Variants in GSDMB observed in about 807,000 individuals in gnomAD.
GSDMB encodes the protein gasdermin B, also known as gasdermin-B.
In GSDMB, 32 loss-of-function variants were observed where a neutral mutation model predicts 42.9. That is an observed-to-expected ratio of 0.75 (90% CI 0.56 to 1.00). The LOEUF is 1.00. Ranked by LOEUF, GSDMB falls within the 50% of genes least tolerant of loss-of-function variation. The pLI is 0.00. For synonymous variants in GSDMB, 175 were observed against 193.7 expected, an observed-to-expected ratio of 0.90 and a Z score of 0.80; for missense variants, 468 against 498.5, an observed-to-expected ratio of 0.94 and a Z score of 0.58.
At chr17:39,908,916 G>A in intron 5 of GSDMB, 42 bp downstream of exon 5, 1 of 1,277,818 alleles carries the variant, frequency 7.8e-7, no homozygotes, top group Non-Finnish European at 1.1e-6. Flanking sequence ...TCACTGGTGT[G>A]TTTAGGGCCC....
At chr17:39,913,100 G>A (rs991378922) in intron 2 of GSDMB, among the ~76,000 whole-genome samples, 2 of 148,712 alleles carry the variant, frequency 1.3e-5, no homozygotes, top group Non-Finnish European at 3.0e-5. Context: ...GTGACACTCT[G>A]CCTCTCTGCC....
At chr17:39,906,474 T>C in intron 7 of GSDMB, 1 of 1,061,140 alleles carries the variant, frequency 9.4e-7, no homozygotes, top group Non-Finnish European at 1.3e-6. Flanking sequence ...ATCTTCCATC[T>C]CCCCAGCTCA....
Position 39,904,876 on chromosome 17 carries a change from GCA to G in GSDMB, c.1185_1186del (p.Leu397ValfsTer12), listed in dbSNP as rs756097738. 7 of 1,613,326 alleles carry G rather than the reference GCA, an allele frequency of 4.3e-6. No individual in the cohort carries two copies. In the African/African-American group the frequency reaches 8.0e-5, roughly 18 times the overall value. The stretch of plus-strand genomic sequence containing the variant: ...CAGGATAGAGACAACAACATACAGC[GCA>G]CAGAGAATTCGTGCCTCAGGGTCAT... On this transcript the variant is annotated frameshift_variant, in exon 11 of 11. Coordinates refer to ENST00000418519, the MANE Select transcript of GSDMB (RefSeq NM_001165958.2). LOFTEE classifies it low-confidence loss of function (END_TRUNC).
rs530672281 is a variant in GSDMB, at chr17:39,917,079, G to C, written c.235+3C>G. On this transcript the variant is annotated splice_donor_region_variant and intron_variant, in intron 2 of 10. Transcript: ENST00000418519. ...GGCCACCTGTCATCTACCTTATACT[G>C]ACCTTGGAGCCCAGAATCCAGTTCA... 6.2e-7 allele frequency: 1 copy of C among 1,605,262 alleles called. No homozygotes were observed. The highest frequency in any genetic ancestry group is 8.5e-7 in the Non-Finnish European group (1 of 1,171,968).
At chr17:39,908,918 T>G in intron 5 of GSDMB, 40 bp downstream of exon 5, 2 of 1,245,072 alleles carry the variant, frequency 1.6e-6, no homozygotes, top group Non-Finnish European at 2.4e-6. Flanking sequence ...ACTGGTGTGT[T>G]TAGGGCCCCC....
chr17:39,906,027 T>A, intron 8 of GSDMB, 42 bp from the exon 9 acceptor site: 1 of 1,611,392 alleles, frequency 6.2e-7, no homozygotes, highest in Non-Finnish European at 8.5e-7. Flanking sequence ...AGTCTCACCA[T>A]AGCAGATTAT....
At position 39,907,107 on chromosome 17, in the gene GSDMB, G is replaced by A. The variant is rs546175656; in HGVS notation, c.701-120C>T. On this transcript the variant is annotated intron_variant, in intron 6 of 10. Coordinates refer to ENST00000418519, the MANE Select transcript of GSDMB (RefSeq NM_001165958.2). ...ATCTGAGCCCTCACTGCTGGTGCCA[G>A]GGAGCCTGCATCCTCACCAGCGTGT... The A allele has an allele frequency of 2.1e-4, 325 of 1,541,950 alleles. 1 individual carries two copies. Among genetic ancestry groups the A allele is most frequent in the Middle Eastern group, 5.2e-4 (3 of 5,752 alleles).
intron 7 of GSDMB, 44 bp downstream of exon 7, chr17:39,906,917 G>A (rs935305986): frequency 6.8e-6 from 11 of 1,613,322 alleles, no homozygotes; most frequent in Non-Finnish European, 8.5e-6. Flanking sequence ...GACTCAGGGT[G>A]GGTTGGTGCA....
At position 39,909,840 on chromosome 17, in the gene GSDMB, C is replaced by T. The variant is rs1282437816; in HGVS notation, c.492G>A (p.Thr164=). Residue 164 remains threonine (T), a synonymous_variant, in exon 4 of 11, where the codon ACG becomes ACA. Coordinates refer to ENST00000418519, the MANE Select transcript of GSDMB (RefSeq NM_001165958.2). The part of the protein sequence containing the change: ...NLYLVTETLE[T]VKEETLKSDR... ...CGCTTTTCAGGGTTTCCTCCTTTAC[C>T]GTCTCCAGAGTTTCTGTCACCAGAT... 8.1e-6 allele frequency: 13 copies of T among 1,613,704 alleles called. No individual in the cohort carries two copies. Among genetic ancestry groups the T allele is most frequent in the African/African-American group, 6.7e-5 (5 of 74,922 alleles).
At chr17:39,907,024 A>G (rs2063517301) in intron 6 of GSDMB, 37 bp from the exon 7 acceptor site, 2 of 1,613,596 alleles carry the variant, frequency 1.2e-6, no homozygotes, top group African/African-American at 1.3e-5. Context: ...GAATCTTCAG[A>G]TCACCTCCAG....
Position 39,905,486 on chromosome 17 carries a change from T to C in GSDMB, c.1038A>G (p.Glu346=), listed in dbSNP as rs1433420383. 1.9e-6 allele frequency: 3 copies of C among 1,608,992 alleles called. No homozygotes were observed. The highest frequency in any genetic ancestry group is 2.5e-6 in the Non-Finnish European group (3 of 1,177,348). ...GGGCCTCAGCCACAAACTGCTGCTCTTCAGACAGCTCTGGGGGCAAAGAAA... is the reference window on the plus strand; with the variant it reads ...GGGCCTCAGCCACAAACTGCTGCTCCTCAGACAGCTCTGGGGGCAAAGAAA... ...DFLDALLELS[E]EQQFVAEALE... The change falls in exon 10 of 11, where the codon GAA becomes GAG. Residue 346 remains glutamate, a synonymous_variant. Transcript: ENST00000418519.
intron 6 of GSDMB, 122 bp from the exon 7 acceptor site, chr17:39,907,109 G>C (rs889090373): frequency 1.3e-6 from 2 of 1,538,950 alleles, no homozygotes; most frequent in African/African-American, 1.4e-5. Context: ...TGGTGCCAGG[G>C]AGCCTGCATC....
intron 4 of GSDMB, 134 bp from the exon 5 acceptor site, chr17:39,909,176 G>T: frequency 3.3e-6 from 2 of 613,368 alleles, no homozygotes; most frequent in Non-Finnish European, 5.8e-6. Flanking sequence ...GCTCTCAGAG[G>T]TCAGCAGGTG....
At chr17:39,915,602 A>ATT (rs10610202) in intron 2 of GSDMB, among the ~76,000 whole-genome samples, 13 of 145,068 alleles carry the variant, frequency 9.0e-5, no homozygotes, top group Non-Finnish European at 1.4e-4. Context: ...TGGCAAACTG[A>ATT]TTTTTTTTTT....
rs2063628171 is a variant in GSDMB, at chr17:39,912,402, G to A, written c.331C>T (p.Gln111Ter). The change falls in exon 3 of 11, where the codon CAG (glutamine) becomes TAG (stop). Residue 111 changes from glutamine to a stop codon, truncating the protein, a stop_gained. Transcript: ENST00000418519. LOFTEE classifies it high-confidence loss of function. ...PKEITISGSF[Q>*]GFHHQKIKIS... ...TTGATTTTCTGATGGTGGAAGCCCT[G>A]GAAACTGCCTGAAATTGTTATTTCT... The A allele has an allele frequency of 1.2e-6, 2 of 1,613,320 alleles. No individual in the cohort carries two copies. Among genetic ancestry groups the A allele is most frequent in the Non-Finnish European group, 1.7e-6 (2 of 1,179,348 alleles).
rs1043715325 is a variant in GSDMB, at chr17:39,912,399, C to T, written c.334G>A (p.Gly112Ser). 17 of 1,613,386 alleles carry T rather than the reference C, an allele frequency of 1.1e-5. No individual in the cohort carries two copies. Among genetic ancestry groups the T allele is most frequent in the Admixed American group, 1.7e-5 (1 of 59,986 alleles). Residue 112 changes from glycine to serine, a missense_variant, in exon 3 of 11, where the codon GGC (glycine) becomes AGC (serine). Transcript: ENST00000418519. ...KEITISGSFQ[G>S]FHHQKIKISE... ...ATCTTGATTTTCTGATGGTGGAAGC[C>T]CTGGAAACTGCCTGAAATTGTTATT...
chr17:39,915,686 A>C (rs2063697807), intron 2 of GSDMB, among the ~76,000 whole-genome samples: 1 of 151,986 alleles, frequency 6.6e-6, no homozygotes, highest in Admixed American at 6.6e-5. Context: ...CAGTCTTTGA[A>C]AGATGCGAAT....
At chr17:39,913,802 G>A (rs904199624) in intron 2 of GSDMB, among the ~76,000 whole-genome samples, 45 of 152,142 alleles carry the variant, frequency 3.0e-4, no homozygotes, top group African/African-American at 1.0e-3. Context: ...AAGGGGCTGC[G>A]TGCCTTTGTC....
At position 39,909,808 on chromosome 17, in the gene GSDMB, T is replaced by C. The variant is rs376691359; in HGVS notation, c.524A>G (p.Gln175Arg). ...VKEETLKSDR[Q>R]YKFWSQISQG... is the part of the protein sequence containing the mutation. ...AGAGATCTGGCTCCAAAATTTATATTGCCGGTCGCTTTTCAGGGTTTCCTC... is the reference window on the plus strand; with the variant it reads ...AGAGATCTGGCTCCAAAATTTATATCGCCGGTCGCTTTTCAGGGTTTCCTC... Residue 175 changes from glutamine to arginine, a missense_variant, in exon 4 of 11, where the codon CAA (glutamine) becomes CGA (arginine). Physicochemically the swap from Gln to Arg is conservative, Grantham distance 43. Transcript: ENST00000418519. 3 of 1,614,174 alleles carry C rather than the reference T, an allele frequency of 1.9e-6. No homozygotes were observed. In the African/African-American group the frequency reaches 4.0e-5, roughly 22 times the overall value.
Sources: allele counts gnomAD v4.1 joint callset (sites outside exome capture counted in the v4.1 genomes callset), GRCh38; gene constraint gnomAD v4.1.1; transcripts MANE v1.5; gene names NCBI Gene and HGNC (gene_info 2026-07-23, HGNC 2026-07-21).